The following TMPRSS9 variants were observed in gnomAD, a reference collection of about 807,000 sequenced individuals.
The protein encoded by TMPRSS9 is transmembrane serine protease 9, also known as transmembrane protease serine 9.
In TMPRSS9, 113 loss-of-function variants were observed where a neutral mutation model predicts 111.4. The ratio of observed to expected loss-of-function variants is 1.01; its 90% CI spans 0.87 to 1.19. TMPRSS9 has a LOEUF of 1.19. Among genes scored for constraint, TMPRSS9 ranks in the 50% most tolerant of loss-of-function variants. The pLI, the probability that TMPRSS9 is intolerant of heterozygous loss-of-function variation, is 0.00. For missense variants in TMPRSS9, 1,803 were observed against 1,513.1 expected (o/e 1.19, Z -3.18); for synonymous variants, 805 against 659.1 (o/e 1.22, Z -3.39).
intron 1 of TMPRSS9, among the ~76,000 whole-genome samples, chr19:2,382,349 C>G (rs1970394891): frequency 6.6e-6 from 1 of 152,068 alleles, no homozygotes; most frequent in Non-Finnish European, 1.5e-5. Flanking sequence ...CCAGGCTGTT[C>G]TCAAACTCCT....
chr19:2,426,190 G>T, exon 18 of TMPRSS9: 1 of 905,012 alleles, frequency 1.1e-6, no homozygotes, highest in South Asian at 2.1e-5. Context: ...GACGGGTGTG[G>T]GGGGGCTGTG....
intron 1 of TMPRSS9, among the ~76,000 whole-genome samples, chr19:2,368,325 CA>C (rs78477170): frequency 0.05 from 5,672 of 113,144 alleles, 322 homozygotes; most frequent in African/African-American, 0.16. Flanking sequence ...TTTGAGAGAC[CA>C]AAAAAAAAAA....
chr19:2,423,629 C>T (rs994526453), intron 14 of TMPRSS9, among the ~76,000 whole-genome samples: 13 of 152,278 alleles, frequency 8.5e-5, no homozygotes, highest in East Asian at 1.9e-4. Context: ...AAACCACCCA[C>T]GTGTTCTTTC....
chr19:2,424,676 G>C (rs1165276289), intron 15 of TMPRSS9, among the ~76,000 whole-genome samples: 1 of 152,162 alleles, frequency 6.6e-6, no homozygotes, highest in African/African-American at 2.4e-5. Context: ...AGCCCTGGCA[G>C]TCGAGGGGTC....
chr19:2,413,825 G>A, exon 10 of TMPRSS9: 1 of 1,613,764 alleles, frequency 6.2e-7, no homozygotes, highest in South Asian at 1.1e-5. Flanking sequence ...GAGTCACCAG[G>A]CTACGTGACT....
At chr19:2,377,449 T>C in intron 1 of TMPRSS9, among the ~76,000 whole-genome samples, 4 of 114,944 alleles carry the variant, frequency 3.5e-5, no homozygotes, top group Admixed American at 8.9e-5. Flanking sequence ...TTTCTTTCCT[T>C]CTCCCCTCCC....
At chr19:2,408,747 CG>C in intron 8 of TMPRSS9, 117 bp downstream of exon 9, 1 of 1,368,072 alleles carries the variant, frequency 7.3e-7, no homozygotes, top group South Asian at 1.4e-5. Flanking sequence ...GAGGCCGAGG[CG>C]GGTGGATCAC....
At chr19:2,385,703 A>G (rs997188254), upstream of TMPRSS9, among the ~76,000 whole-genome samples, 1 of 152,020 alleles carries the variant, frequency 6.6e-6, no homozygotes, top group Non-Finnish European at 1.5e-5. Context: ...GTATAAAAAA[A>G]TTAACCGGGT....
chr19:2,413,015 G>A (rs1437566550), intron 9 of TMPRSS9, among the ~76,000 whole-genome samples: 2 of 152,028 alleles, frequency 1.3e-5, no homozygotes, highest in Admixed American at 6.6e-5. Flanking sequence ...CCAACATGGT[G>A]AAACCCCGTC....
intron 1 of TMPRSS9, among the ~76,000 whole-genome samples, chr19:2,384,256 G>A (rs1349988063): frequency 6.6e-6 from 1 of 152,230 alleles, no homozygotes. Flanking sequence ...GGGAGGCAAT[G>A]AGATCCACCT....
At chr19:2,386,996 A>G (rs1225829305), upstream of TMPRSS9, among the ~76,000 whole-genome samples, 1 of 151,552 alleles carries the variant, frequency 6.6e-6, no homozygotes, top group East Asian at 2.0e-4. Flanking sequence ...TGAGGAGGGA[A>G]GGTTGCCTGA....
chr19:2,420,028 T>C (rs1016203341), intron 13 of TMPRSS9, among the ~76,000 whole-genome samples: 3 of 151,624 alleles, frequency 2.0e-5, no homozygotes, highest in Admixed American at 2.0e-4. Context: ...TCAGGCAGAG[T>C]GGCAGGTGCC....
In TMPRSS9 at chr19:2,396,728, G is replaced by A. The variant is rs1970717777; in HGVS notation, c.270+62G>A. On this transcript the variant is annotated intron_variant, in intron 2 of 17. Coordinates refer to ENST00000648592, the Ensembl canonical transcript of TMPRSS9. ...AGCGGGTGGCCGGGGGCTTTGACCT[G>A]GAGGTGCTTTCCGTGTGGGAGGGAG... 5.2e-6 allele frequency: 8 copies of A among 1,544,192 alleles called. No homozygotes were observed. In the East Asian group the frequency reaches 1.8e-4, roughly 36 times the overall value.
intron 7 of TMPRSS9, among the ~76,000 whole-genome samples, chr19:2,407,612 T>TCTTTTCTTTTC (rs5826765): frequency 1.7e-4 from 20 of 117,234 alleles, no homozygotes; most frequent in African/African-American, 5.7e-4. Context: ...TCTTTTCTTT[T>TCTTTTCTTTTC]TTTTTTTTTT....
At chr19:2,420,961 TTAGGA>T (rs1408426040) in intron 13 of TMPRSS9, among the ~76,000 whole-genome samples, 1 of 152,100 alleles carries the variant, frequency 6.6e-6, no homozygotes, top group African/African-American at 2.4e-5. Context: ...TCCCAGCACT[TTAGGA>T]GGCCAAGGCG....
At chr19:2,398,811 A>G (rs1970763720) in exon 3 of TMPRSS9, 1 of 1,480,412 alleles carries the variant, frequency 6.8e-7, no homozygotes. Flanking sequence ...AGTAGTTTTC[A>G]GAAGACAGAG....
intron 4 of TMPRSS9, among the ~76,000 whole-genome samples, chr19:2,400,222 C>A (rs911557769): frequency 2.0e-5 from 3 of 152,218 alleles, no homozygotes; most frequent in Non-Finnish European, 4.4e-5. Context: ...ACTGTAGAAT[C>A]AAGGATAAAT....
chr19:2,415,549 A>C, intron 10 of TMPRSS9, 121 bp from the exon 12 acceptor site: 1 of 945,562 alleles, frequency 1.1e-6, no homozygotes, highest in Non-Finnish European at 1.5e-6. Flanking sequence ...CTTGTGTGGA[A>C]CGGGAGGGAT....
exon 2 of TMPRSS9, chr19:2,396,634 C>G (rs1970714977): frequency 6.2e-7 from 1 of 1,606,160 alleles, no homozygotes; most frequent in Admixed American, 1.7e-5. Context: ...CTCGGACTAT[C>G]ACCGCACGCT....
Sources: gnomAD v4.1 joint callset for allele counts (sites outside exome capture counted in the v4.1 genomes callset) on GRCh38, gnomAD v4.1.1 for gene constraint, MANE v1.5 for transcripts, NCBI Gene and HGNC (gene_info 2026-07-23, HGNC 2026-07-21) for gene names.